Variants in CCDC30 observed in about 807,000 individuals in gnomAD.
CCDC30 encodes coiled-coil domain containing 30.
Under a neutral mutation model 100.2 loss-of-function variants are expected in CCDC30, and 70 were observed. The observed-to-expected ratio is 0.70, with a 90% CI of 0.58 to 0.85. CCDC30 has a LOEUF of 0.85. CCDC30 is among the 40% of genes least tolerant of loss of function. CCDC30 has a pLI of 0.00. For synonymous variants in CCDC30, 233 were observed against 269.5 expected, an observed-to-expected ratio of 0.86 and a Z score of 1.33; for missense variants, 652 against 771.2, an observed-to-expected ratio of 0.85 and a Z score of 1.83.
intron 6 of CCDC30, among the ~76,000 whole-genome samples, chr1:42,524,689 C>T (rs1256778995): frequency 6.6e-6 from 1 of 152,192 alleles, no homozygotes; most frequent in African/African-American, 2.4e-5. Context: ...ATGCACACTG[C>T]CTGCCACAGG....
At chr1:42,575,289 G>A (rs1645809329) in intron 7 of CCDC30, among the ~76,000 whole-genome samples, 1 of 152,066 alleles carries the variant, frequency 6.6e-6, no homozygotes, top group South Asian at 2.1e-4. Context: ...TACTTGCTCA[G>A]TAAATAATTG....
At chr1:42,512,215 T>G (rs1644488853) in intron 6 of CCDC30, among the ~76,000 whole-genome samples, 1 of 152,208 alleles carries the variant, frequency 6.6e-6, no homozygotes, top group South Asian at 2.1e-4. Context: ...GCCCTCATTC[T>G]GGTAAACCGA....
intron 6 of CCDC30, among the ~76,000 whole-genome samples, chr1:42,504,118 G>A (rs1431156861): frequency 2.0e-5 from 3 of 152,226 alleles, no homozygotes; most frequent in Non-Finnish European, 4.4e-5. Context: ...GAATAGGTTG[G>A]GCTAGTTAAC....
At chr1:42,598,619 T>C (rs910828290) in intron 10 of CCDC30, among the ~76,000 whole-genome samples, 4 of 152,070 alleles carry the variant, frequency 2.6e-5, no homozygotes, top group Non-Finnish European at 5.9e-5. Flanking sequence ...AAAACCATAA[T>C]AAATATGGTA....
At position 42,577,085 on chromosome 1, in the gene CCDC30, C is replaced by CA. The variant is rs1170351330; in HGVS notation, c.703dup (p.Thr235AsnfsTer20). 6.2e-7 allele frequency: 1 copy of CA among 1,614,030 alleles called. No individual in the cohort carries two copies. The highest frequency in any genetic ancestry group is 1.1e-5 in the South Asian group (1 of 91,080). ...ACAGCACAAAGATGTGCTCTTCACT[C>CA]ACGGCAGAGTACAAGCACTGTCAGC... is the stretch of plus-strand genomic sequence containing the variant. On this transcript the variant is annotated frameshift_variant, in exon 8 of 17. Coordinates refer to ENST00000668663, the Ensembl canonical transcript of CCDC30. LOFTEE classifies it high-confidence loss of function.
chr1:42,478,487 G>A (rs1411564571), intron 1 of CCDC30, among the ~76,000 whole-genome samples: 1 of 152,118 alleles, frequency 6.6e-6, no homozygotes, highest in Non-Finnish European at 1.5e-5. Context: ...GGCCGTGCAC[G>A]GTGGCTCACG....
chr1:42,600,258 A>C (rs1202625488), intron 10 of CCDC30, among the ~76,000 whole-genome samples: 1 of 152,192 alleles, frequency 6.6e-6, no homozygotes, highest in Non-Finnish European at 1.5e-5. Flanking sequence ...ACAATCTTTA[A>C]TATGTATGTG....
intron 6 of CCDC30, chr1:42,556,386 C>G: frequency 6.2e-7 from 1 of 1,611,908 alleles, no homozygotes. Context: ...GGGGATAGTT[C>G]AGATGACAGT....
intron 6 of CCDC30, among the ~76,000 whole-genome samples, chr1:42,550,518 T>C (rs750784847): frequency 2.0e-4 from 30 of 152,184 alleles, no homozygotes; most frequent in Non-Finnish European, 3.8e-4. Flanking sequence ...CCTCCAACTT[T>C]TAAAGGACTT....
chr1:42,533,162 T>C (rs1038178422), intron 6 of CCDC30, among the ~76,000 whole-genome samples: 1 of 152,096 alleles, frequency 6.6e-6, no homozygotes, highest in African/African-American at 2.4e-5. Context: ...ACATTTAAAC[T>C]TTTTTTTAGA....
intron 6 of CCDC30, among the ~76,000 whole-genome samples, chr1:42,544,973 G>A (rs552182863): frequency 6.6e-6 from 1 of 151,742 alleles, no homozygotes; most frequent in East Asian, 1.9e-4. Context: ...TTTTCTGGCA[G>A]CAATATATTT....
intron 6 of CCDC30, among the ~76,000 whole-genome samples, chr1:42,539,694 A>T (rs183205580): frequency 1.4e-4 from 21 of 152,314 alleles, no homozygotes; most frequent in African/African-American, 5.0e-4. Flanking sequence ...TCAATTTAAA[A>T]ATTTAGGACC....
intron 6 of CCDC30, among the ~76,000 whole-genome samples, chr1:42,530,162 CAGA>C (rs535704308): frequency 1.7e-3 from 263 of 152,284 alleles, no homozygotes; most frequent in Admixed American, 5.7e-3. Flanking sequence ...CAAGTATCAT[CAGA>C]AGGTCAGTAG....
At chr1:42,620,998 TA>T (rs1646819118) in intron 11 of CCDC30, among the ~76,000 whole-genome samples, 1 of 152,186 alleles carries the variant, frequency 6.6e-6, no homozygotes, top group South Asian at 2.1e-4. Flanking sequence ...ATTGTCAACC[TA>T]AAGGGAAGAA....
chr1:42,606,652 G>A (rs867294883), intron 10 of CCDC30, among the ~76,000 whole-genome samples: 28 of 152,262 alleles, frequency 1.8e-4, no homozygotes, highest in Admixed American at 1.4e-3. Context: ...GAAATCTCTC[G>A]TGGGTCTCAA....
At chr1:42,628,893 A>G (rs916282001) in intron 11 of CCDC30, among the ~76,000 whole-genome samples, 4 of 152,224 alleles carry the variant, frequency 2.6e-5, no homozygotes, top group South Asian at 4.1e-4. Context: ...TGGTTTGCAT[A>G]AACAAAGAAG....
chr1:42,528,712 G>A (rs1282806539), intron 6 of CCDC30, among the ~76,000 whole-genome samples: 2 of 152,154 alleles, frequency 1.3e-5, no homozygotes, highest in African/African-American at 4.8e-5. Flanking sequence ...GAGGCTACCT[G>A]GGAAGAGAAG....
chr1:42,457,679 G>A, the CCDC30 span: 16 of 267,844 alleles, frequency 6.0e-5, no homozygotes, highest in South Asian at 7.2e-4. Context: ...AGAACCGAGC[G>A]CGGTGGCTCA....
intron 6 of CCDC30, among the ~76,000 whole-genome samples, chr1:42,535,643 T>C (rs1394670227): frequency 1.1e-5 from 1 of 87,744 alleles, no homozygotes; most frequent in Non-Finnish European, 2.2e-5. Context: ...GTGGATCGCT[T>C]GAGCCCAGGA....
Sources: gnomAD v4.1 joint callset for allele counts (sites outside exome capture counted in the v4.1 genomes callset) on GRCh38, gnomAD v4.1.1 for gene constraint, MANE v1.5 for transcripts, NCBI Gene and HGNC (gene_info 2026-07-23, HGNC 2026-07-21) for gene names.